The following PLB1 variants were observed in gnomAD, a reference collection of about 807,000 sequenced individuals.
PLB1 encodes the protein phospholipase B1, membrane-associated.
A neutral mutation model predicts 227.4 loss-of-function variants in PLB1; 242 were observed. The ratio of observed to expected loss-of-function variants is 1.06; its 90% CI spans 0.96 to 1.18. The LOEUF (loss-of-function observed/expected upper bound fraction) is 1.18, where lower values mean the gene tolerates loss of function less well. Ranked by LOEUF, PLB1 falls within the 50% of genes most tolerant of loss-of-function variation. The probability of loss-of-function intolerance (pLI) is 0.00; values close to 1 mark genes in which losing one functional copy is unlikely to be tolerated. For missense variants in PLB1, 1,858 were observed against 1,816.3 expected (o/e 1.02, Z -0.42); for synonymous variants, 757 against 682.2 (o/e 1.11, Z -1.71).
chr2:28,507,781 G>A (rs910546807), intron 1 of PLB1, among the ~76,000 whole-genome samples: 5 of 152,216 alleles, frequency 3.3e-5, no homozygotes, highest in Non-Finnish European at 7.3e-5. Flanking sequence ...ATCAGAGGAT[G>A]GAGACAGGAG....
chr2:28,560,123 C>T (rs1352092524), intron 17 of PLB1, among the ~76,000 whole-genome samples: 2 of 152,140 alleles, frequency 1.3e-5, no homozygotes, highest in African/African-American at 2.4e-5. Flanking sequence ...CCTTCTTAAG[C>T]ACTTAACCAC....
intron 52 of PLB1, 90 bp downstream of exon 52, chr2:28,628,718 G>A (rs1025855932): frequency 7.2e-6 from 9 of 1,241,850 alleles, no homozygotes; most frequent in Admixed American, 5.7e-5. Context: ...TGCTCACGGA[G>A]CAGAGACCCG....
At chr2:28,584,283 C>A (rs1680540456) in intron 25 of PLB1, among the ~76,000 whole-genome samples, 2 of 152,210 alleles carry the variant, frequency 1.3e-5, no homozygotes, top group African/African-American at 2.4e-5. Context: ...CAGATCCATG[C>A]CATGCCTCAC....
intron 31 of PLB1, among the ~76,000 whole-genome samples, chr2:28,592,174 G>A (rs540156458): frequency 6.6e-6 from 1 of 152,238 alleles, no homozygotes; most frequent in East Asian, 1.9e-4. Flanking sequence ...TGGGGGCAAG[G>A]AAAGGCCCAA....
At chr2:28,631,936 TGA>T in intron 54 of PLB1, 98 bp from the exon 55 acceptor site, 1 of 925,320 alleles carries the variant, frequency 1.1e-6, no homozygotes, top group Non-Finnish European at 1.8e-6. Flanking sequence ...TCCTTTAGGG[TGA>T]GTTGACTCCC....
intron 56 of PLB1, among the ~76,000 whole-genome samples, chr2:28,638,501 A>G (rs993324730): frequency 2.0e-5 from 3 of 152,124 alleles, no homozygotes; most frequent in African/African-American, 7.2e-5. Context: ...GGAAGAAAGC[A>G]AGGGTGGACC....
intron 2 of PLB1, among the ~76,000 whole-genome samples, chr2:28,517,376 A>G (rs1173272578): frequency 6.6e-6 from 1 of 152,134 alleles, no homozygotes; most frequent in Admixed American, 6.5e-5. Flanking sequence ...AAAAGACACA[A>G]TCTCACTTCC....
chr2:28,604,797 G>A, intron 41 of PLB1, 38 bp downstream of exon 41: 1 of 1,570,098 alleles, frequency 6.4e-7, no homozygotes, highest in Non-Finnish European at 8.7e-7. Context: ...CTCTTTTAGA[G>A]GAAGAAATGC....
chr2:28,566,782 G>A lies in PLB1; in HGVS notation c.1281-14G>A. The A allele has an allele frequency of 6.2e-7, 1 of 1,614,016 alleles. No individual in the cohort carries two copies. Among genetic ancestry groups the A allele is most frequent in the Non-Finnish European group, 8.5e-7 (1 of 1,179,920 alleles). On this transcript the variant is annotated splice_polypyrimidine_tract_variant and intron_variant, in intron 19 of 57. Transcript: ENST00000327757. ...TTTTAACCCTTCATTTTCTTTCTTG[G>A]ACCCACGTTACAGCGTCGGCGGAGA...
chr2:28,521,739 G>T (rs867536417), intron 4 of PLB1, among the ~76,000 whole-genome samples: 5 of 152,194 alleles, frequency 3.3e-5, no homozygotes, highest in African/African-American at 9.6e-5. Flanking sequence ...CCCTCTCCTG[G>T]TCTTAGCAAA....
chr2:28,583,675 C>T (rs543721932), intron 25 of PLB1, among the ~76,000 whole-genome samples: 2 of 152,234 alleles, frequency 1.3e-5, no homozygotes, highest in East Asian at 3.9e-4. Flanking sequence ...CTCAAGCATG[C>T]CCACAAAGGG....
chr2:28,505,128 T>A (rs940012816), intron 1 of PLB1, among the ~76,000 whole-genome samples: 3 of 152,212 alleles, frequency 2.0e-5, no homozygotes, highest in African/African-American at 7.2e-5. Flanking sequence ...TCCTTTAAGA[T>A]GGTCTGTGCT....
rs1453143958 is a variant in PLB1 at position 28,597,987 on chromosome 2, C to T, written c.2322-18C>T. 1 of 1,609,686 alleles carries T rather than the reference C, an allele frequency of 6.2e-7. No individual in the cohort carries two copies. The highest frequency in any genetic ancestry group is 1.1e-5 in the South Asian group (1 of 90,984). ...TATGTCTCTCCCTCTCATTCACTGG[C>T]TTGCTCACTCCCTACAGTGCAGGAG... On this transcript the variant is annotated intron_variant, in intron 33 of 57. Coordinates refer to ENST00000327757, the MANE Select transcript of PLB1 (RefSeq NM_153021.5).
intron 40 of PLB1, among the ~76,000 whole-genome samples, chr2:28,604,280 C>T (rs1221787516): frequency 2.0e-5 from 3 of 152,156 alleles, no homozygotes; most frequent in Non-Finnish European, 2.9e-5. Flanking sequence ...GCCCAGCTAC[C>T]GTTGAGGGCT....
chr2:28,504,811 A>G (rs576248807), intron 1 of PLB1, among the ~76,000 whole-genome samples: 3 of 152,220 alleles, frequency 2.0e-5, no homozygotes, highest in Non-Finnish European at 4.4e-5. Flanking sequence ...TGATTTTAGT[A>G]TCCAAAGTCT....
chr2:28,501,745 A>G (rs574832749), intron 1 of PLB1, among the ~76,000 whole-genome samples: 7 of 151,710 alleles, frequency 4.6e-5, no homozygotes, highest in Admixed American at 1.3e-4. Context: ...TGTTTTTTGC[A>G]TTTTGATTTT....
At chr2:28,572,273 G>T (rs1678136465) in intron 20 of PLB1, among the ~76,000 whole-genome samples, 1 of 152,228 alleles carries the variant, frequency 6.6e-6, no homozygotes, top group Non-Finnish European at 1.5e-5. Flanking sequence ...GGATGTGGAA[G>T]AATTGAAGCC....
intron 16 of PLB1, 89 bp from the exon 17 acceptor site, chr2:28,552,839 G>T (rs1674460129): frequency 9.7e-7 from 1 of 1,026,342 alleles, no homozygotes; most frequent in South Asian, 1.3e-5. Context: ...TATCTTAAAT[G>T]ATGTTTTCCA....
chr2:28,622,715 C>T (rs530882335), intron 49 of PLB1, among the ~76,000 whole-genome samples: 1 of 152,236 alleles, frequency 6.6e-6, no homozygotes, highest in South Asian at 2.1e-4. Context: ...TGGTGAAACC[C>T]CATCTCTACT....
Sources: gnomAD v4.1 joint callset for allele counts (sites outside exome capture counted in the v4.1 genomes callset) on GRCh38, gnomAD v4.1.1 for gene constraint, MANE v1.5 for transcripts, NCBI Gene and HGNC (gene_info 2026-07-23, HGNC 2026-07-21) for gene names.